Variants in KTN1 observed in about 807,000 individuals in gnomAD.
The protein encoded by KTN1 is kinectin.
KTN1 carries 130 observed loss-of-function variants against 222.5 expected under a neutral mutation model. That is an observed-to-expected ratio of 0.58 (90% CI 0.51 to 0.68). The LOEUF (loss-of-function observed/expected upper bound fraction) is 0.68. KTN1 is among the 30% of genes least tolerant of loss of function. KTN1 has a pLI of 0.00. For missense variants in KTN1, 1,508 were observed against 1,500.4 expected (o/e 1.01, Z -0.08); for synonymous variants, 512 against 496.3 (o/e 1.03, Z -0.42).
At chr14:55,608,838 C>A (rs956538932) in intron 1 of KTN1, among the ~76,000 whole-genome samples, 1 of 152,018 alleles carries the variant, frequency 6.6e-6, no homozygotes, top group South Asian at 2.1e-4. Context: ...CCATGTTGAT[C>A]AGACTGCTCT....
intron 32 of KTN1, among the ~76,000 whole-genome samples, chr14:55,662,388 CTG>C (rs764060471): frequency 4.1e-4 from 62 of 152,204 alleles, no homozygotes; most frequent in Non-Finnish European, 5.9e-4. Context: ...CCATTTTTAA[CTG>C]AGAGGTGGTT....
At position 55,671,939 on chromosome 14, in the gene KTN1, A is replaced by T. The variant is rs2141323022; in HGVS notation, c.3531+62A>T. 3.1e-6 allele frequency: 3 copies of T among 956,938 alleles called. 1 individual carries two copies. In the South Asian group the frequency reaches 4.2e-5, roughly 13 times the overall value. 59.3% of individuals were successfully genotyped at this position (956,938 alleles called of 1,614,324 possible). On this transcript the variant is annotated intron_variant, in intron 37 of 43. Coordinates refer to ENST00000395314, the MANE Select transcript of KTN1 (RefSeq NM_001079521.2). ...GATGTGTGGGGCTTGAACCAGCAGC[A>T]TCAGCATCACCATGCACATTCTTGG...
rs753447264 is a variant in KTN1 at position 55,630,012 on chromosome 14, G to A, written c.1136G>A (p.Arg379Gln). The A allele has an allele frequency of 1.6e-5, 25 of 1,601,672 alleles. No homozygotes were observed. The East Asian group carries it at 2.0e-4, about 13-fold the overall frequency. Residue 379 changes from arginine (R) to glutamine (Q), a missense_variant, in exon 7 of 44, where the codon CGA (arginine) becomes CAA (glutamine). By Grantham distance (43) the Arg-to-Gln change is conservative. Coordinates refer to ENST00000395314, the MANE Select transcript of KTN1 (RefSeq NM_001079521.2). ...SNVVITRMKD[R>Q]IGTLEKEHNV... ...GTGGTTATAACAAGGATGAAAGATC[G>A]AATTGGAACATTAGAAAAGGAACAT...
chr14:55,582,530 G>A (rs2031929784), intron 1 of KTN1, among the ~76,000 whole-genome samples: 1 of 152,168 alleles, frequency 6.6e-6, no homozygotes, highest in Non-Finnish European at 1.5e-5. Flanking sequence ...TCATGGTTAA[G>A]ATGACACGTA....
Position 55,661,527 on chromosome 14 carries a change from CAGAA to C in KTN1, c.3009_3012del (p.Glu1005LysfsTer3). 1 of 1,580,916 alleles carries C rather than the reference CAGAA, an allele frequency of 6.3e-7. No individual in the cohort carries two copies. Among genetic ancestry groups the C allele is most frequent in the Non-Finnish European group, 8.7e-7 (1 of 1,150,596 alleles). ...GTATTCATGTTCTGGTTTAGAATTT[CAGAA>C]AGAGAGAAAGAAATAAGTGGTCTCT... On this transcript the variant is annotated frameshift_variant, in exon 32 of 44. Transcript: ENST00000395314. LOFTEE classifies it high-confidence loss of function.
chr14:55,677,077 GT>G (rs1305895970), intron 41 of KTN1, among the ~76,000 whole-genome samples: 1 of 152,184 alleles, frequency 6.6e-6, no homozygotes, highest in African/African-American at 2.4e-5. Context: ...CTTATTTACA[GT>G]AGCTAAGATG....
intron 41 of KTN1, 107 bp from the exon 42 acceptor site, chr14:55,678,245 G>A (rs1049761696): frequency 4.4e-5 from 30 of 674,642 alleles, no homozygotes; most frequent in African/African-American, 2.6e-4. Flanking sequence ...AACCTGTGTC[G>A]TCTTTTGAGA....
intron 33 of KTN1, among the ~76,000 whole-genome samples, chr14:55,664,572 G>A (rs1015763114): frequency 6.6e-6 from 1 of 152,090 alleles, no homozygotes; most frequent in Admixed American, 6.6e-5. Flanking sequence ...TTACTGGCTA[G>A]CAATGACACA....
chr14:55,599,169 A>ATTTT (rs2035554888), intron 1 of KTN1, among the ~76,000 whole-genome samples: 1 of 151,216 alleles, frequency 6.6e-6, no homozygotes. Context: ...TCAAGTTCTA[A>ATTTT]TTTTTCTGTT....
In KTN1 at chr14:55,631,341, G is replaced by GATATATATATATATATATAT. The variant is rs56190231; in HGVS notation, c.1221+1253_1221+1272dup. ...CTAAAACTCACCTATTGATAAGGTT[G>GATATATATATATATATATAT]ATATATATATATATATATATATATA... On this transcript the variant is annotated intron_variant, in intron 7 of 43. Coordinates refer to ENST00000395314, the MANE Select transcript of KTN1 (RefSeq NM_001079521.2). Among the ~76,000 whole-genome samples the GATATATATATATATATATAT allele has an allele frequency of 1.7e-3, 198 of 114,650 alleles. 3 individuals are homozygous for GATATATATATATATATATAT. The highest frequency in any genetic ancestry group is 5.7e-3 in the African/African-American group (157 of 27,472). 75.2% of individuals were successfully genotyped at this position (114,650 alleles called of 152,430 possible).
Position 55,684,262 on chromosome 14 carries a change from G to GAA in KTN1, c.*168_*169dup, listed in dbSNP as rs560491576. 9.4e-6 allele frequency: 4 copies of GAA among 424,830 alleles called. No individual in the cohort carries two copies. The highest frequency in any genetic ancestry group is 4.0e-5 in the East Asian group (1 of 25,218). The allele number at this position is 424,830 out of a possible 1,614,324, so 26.3% of individuals were successfully genotyped here. On this transcript the variant is annotated 3_prime_UTR_variant, in exon 44 of 44. Coordinates refer to ENST00000395314, the MANE Select transcript of KTN1 (RefSeq NM_001079521.2). ...TTGTTAGACTACTGATTTAAAGAAG[G>GAA]AAAAAAAAAAGCCAACTCTGTAGAC...
intron 5 of KTN1, among the ~76,000 whole-genome samples, chr14:55,620,002 T>C (rs2038924565): frequency 6.6e-6 from 1 of 151,574 alleles, no homozygotes; most frequent in Non-Finnish European, 1.5e-5. Context: ...AGAAGCAACT[T>C]AGTTACCTCC....
At chr14:55,591,581 C>CTTTTT (rs71131297) in intron 1 of KTN1, among the ~76,000 whole-genome samples, 251 of 87,546 alleles carry the variant, frequency 2.9e-3, no homozygotes, top group Middle Eastern at 7.5e-3. Flanking sequence ...TTCTCTCTTT[C>CTTTTT]TTTTTTTTTT....
At chr14:55,617,365 G>C (rs1422642351) in intron 3 of KTN1, among the ~76,000 whole-genome samples, 1 of 152,170 alleles carries the variant, frequency 6.6e-6, no homozygotes, top group Non-Finnish European at 1.5e-5. Context: ...CATTAGGCTT[G>C]ATGTTCAAAC....
chr14:55,608,779 A>G (rs1023403123), intron 1 of KTN1, among the ~76,000 whole-genome samples: 3 of 151,826 alleles, frequency 2.0e-5, no homozygotes, highest in Admixed American at 6.6e-5. Flanking sequence ...ACAGGCGCGT[A>G]CCACCACGCC....
intron 1 of KTN1, among the ~76,000 whole-genome samples, chr14:55,611,158 G>A (rs945206926): frequency 2.0e-5 from 3 of 152,088 alleles, no homozygotes; most frequent in Non-Finnish European, 4.4e-5. Context: ...CAGAGTCACA[G>A]GTCACTGAAG....
chr14:55,659,607 A>T (rs2043890844), intron 30 of KTN1, 59 bp from the exon 31 acceptor site: 8 of 990,434 alleles, frequency 8.1e-6, no homozygotes, highest in Non-Finnish European at 1.3e-5. Flanking sequence ...GAAAAGCTTC[A>T]ATGTTTTTAA....
At chr14:55,659,556 A>T in intron 30 of KTN1, 110 bp from the exon 31 acceptor site, 1 of 737,874 alleles carries the variant, frequency 1.4e-6, no homozygotes, top group Non-Finnish European at 2.4e-6. Context: ...TATGAAATAT[A>T]TACTATTTTT....
chr14:55,603,166 A>AT (rs202078683), intron 1 of KTN1, among the ~76,000 whole-genome samples: 194 of 145,058 alleles, frequency 1.3e-3, no homozygotes, highest in East Asian at 5.0e-3. Context: ...TTACTGGATC[A>AT]TTTTTTTTTT....
Sources: allele counts gnomAD v4.1 joint callset (sites outside exome capture counted in the v4.1 genomes callset), GRCh38; gene constraint gnomAD v4.1.1; transcripts MANE v1.5; gene names NCBI Gene and HGNC (gene_info 2026-07-23, HGNC 2026-07-21).